The following IMMP2L variants were observed in gnomAD, a reference collection of about 807,000 sequenced individuals.
The protein encoded by IMMP2L is inner mitochondrial membrane peptidase subunit 2.
IMMP2L carries 18 observed loss-of-function variants against 19.3 expected under a neutral mutation model. The observed-to-expected ratio is 0.93, with a 90% CI of 0.64 to 1.38. The LOEUF is 1.38. IMMP2L is among the 40% of genes most tolerant of loss of function. The probability of loss-of-function intolerance (pLI) is 0.00; values close to 1 mark genes in which losing one functional copy is unlikely to be tolerated. For synonymous variants in IMMP2L, 76 were observed against 73.0 expected (o/e 1.04, Z -0.21); for missense variants, 233 against 218.2 (o/e 1.07, Z -0.43).
At chr7:111,428,054 A>G (rs1380625670) in intron 3 of IMMP2L, among the ~76,000 whole-genome samples, 1 of 151,704 alleles carries the variant, frequency 6.6e-6, no homozygotes, top group African/African-American at 2.4e-5. Flanking sequence ...GTAGCAACAC[A>G]CTCATGCTGT....
intron 3 of IMMP2L, among the ~76,000 whole-genome samples, chr7:111,282,677 A>G (rs1364375106): frequency 2.0e-5 from 3 of 152,098 alleles, no homozygotes; most frequent in Non-Finnish European, 4.4e-5. Flanking sequence ...TCAACCTCCC[A>G]GGCTCAGGCA....
intron 3 of IMMP2L, among the ~76,000 whole-genome samples, chr7:111,070,786 A>T (rs557456234): frequency 6.6e-6 from 1 of 152,340 alleles, no homozygotes; most frequent in Admixed American, 6.5e-5. Flanking sequence ...ACTTTAAAAT[A>T]CAACAAACCT....
chr7:111,209,255 C>T (rs371777490), intron 3 of IMMP2L, among the ~76,000 whole-genome samples: 53 of 151,946 alleles, frequency 3.5e-4, no homozygotes, highest in East Asian at 3.9e-4. Context: ...AAATTAGCCA[C>T]GCATGGTGGC....
intron 3 of IMMP2L, among the ~76,000 whole-genome samples, chr7:111,281,204 AAGAAAGAAAGAAAAAGAAAGAAAG>A (rs1319846679): frequency 2.2e-4 from 11 of 49,302 alleles, no homozygotes; most frequent in African/African-American, 4.4e-4. Context: ...GAAAGAAAGA[AAGAAAGAAAGAAAAAGAAAGAAAG>A]AAAGAAAGAA....
intron 5 of IMMP2L, among the ~76,000 whole-genome samples, chr7:110,744,116 C>T (rs780737814): frequency 3.8e-4 from 58 of 152,210 alleles, no homozygotes; most frequent in Non-Finnish European, 6.3e-4. Context: ...GGTGGTTTCA[C>T]CCTCACAGTG....
chr7:111,179,400 A>G (rs920022042), intron 3 of IMMP2L, among the ~76,000 whole-genome samples: 1 of 151,936 alleles, frequency 6.6e-6, no homozygotes, highest in Admixed American at 6.6e-5. Flanking sequence ...TTAGCCTATC[A>G]GCTGTTGGTA....
intron 5 of IMMP2L, among the ~76,000 whole-genome samples, chr7:110,761,198 T>C (rs1310817674): frequency 6.6e-6 from 1 of 152,144 alleles, no homozygotes; most frequent in Non-Finnish European, 1.5e-5. Context: ...GTCTGTAGAA[T>C]ATGAGCACTC....
chr7:110,802,212 T>C (rs1801300329), intron 5 of IMMP2L, among the ~76,000 whole-genome samples: 1 of 152,062 alleles, frequency 6.6e-6, no homozygotes, highest in South Asian at 2.1e-4. Flanking sequence ...GCTTACATTA[T>C]TAAAAATCCT....
chr7:110,882,998 G>A (rs991606156), intron 5 of IMMP2L, among the ~76,000 whole-genome samples: 1 of 151,990 alleles, frequency 6.6e-6, no homozygotes, highest in Non-Finnish European at 1.5e-5. Context: ...GTGTCTTGAA[G>A]GCATAAATGA....
intron 5 of IMMP2L, among the ~76,000 whole-genome samples, chr7:110,678,530 G>A (rs1173234699): frequency 6.6e-6 from 1 of 152,062 alleles, no homozygotes; most frequent in Non-Finnish European, 1.5e-5. Context: ...CCTACTAGAT[G>A]CTGGAAATAT....
chr7:111,543,286 T>G (rs1036884153), intron 1 of IMMP2L, among the ~76,000 whole-genome samples: 4 of 152,276 alleles, frequency 2.6e-5, no homozygotes, highest in African/African-American at 9.6e-5. Context: ...ATTAAAACAT[T>G]CATAACCATA....
intron 3 of IMMP2L, among the ~76,000 whole-genome samples, chr7:111,168,294 A>G (rs1275668505): frequency 6.6e-6 from 1 of 150,700 alleles, no homozygotes; most frequent in Non-Finnish European, 1.5e-5. Flanking sequence ...TTTTTTTTCT[A>G]CAGACCTGAA....
At chr7:111,313,562 C>T (rs180970897) in intron 3 of IMMP2L, among the ~76,000 whole-genome samples, 1 of 152,212 alleles carries the variant, frequency 6.6e-6, no homozygotes, top group East Asian at 1.9e-4. Flanking sequence ...ACTCAAAATG[C>T]CATTCTCAAT....
chr7:111,275,641 C>A (rs1179845335), intron 3 of IMMP2L, among the ~76,000 whole-genome samples: 1 of 152,066 alleles, frequency 6.6e-6, no homozygotes, highest in Admixed American at 6.6e-5. Context: ...TGCACTGAAT[C>A]GGTAGATTTA....
At chr7:110,837,088 C>T (rs1224997706) in intron 5 of IMMP2L, among the ~76,000 whole-genome samples, 1 of 151,810 alleles carries the variant, frequency 6.6e-6, no homozygotes. Flanking sequence ...AGTAATGGCA[C>T]AAAACTAAAA....
At chr7:110,734,747 A>C (rs117357600) in intron 5 of IMMP2L, among the ~76,000 whole-genome samples, 2 of 141,542 alleles carry the variant, frequency 1.4e-5, no homozygotes, top group Non-Finnish European at 3.2e-5. Flanking sequence ...AAACAAACAA[A>C]AAACCAGCCT....
intron 3 of IMMP2L, among the ~76,000 whole-genome samples, chr7:111,315,890 G>A (rs924831737): frequency 6.6e-6 from 1 of 152,096 alleles, no homozygotes; most frequent in Middle Eastern, 3.2e-3. Flanking sequence ...CAACAGGAAA[G>A]TACAGTTATG....
At chr7:110,828,409 T>G (rs1006464351) in intron 5 of IMMP2L, among the ~76,000 whole-genome samples, 1 of 152,134 alleles carries the variant, frequency 6.6e-6, no homozygotes, top group African/African-American at 2.4e-5. Context: ...AACAACCAAC[T>G]GTGTGATCTT....
chr7:111,495,013 T>G (rs924647616), intron 2 of IMMP2L, among the ~76,000 whole-genome samples: 1 of 152,114 alleles, frequency 6.6e-6, no homozygotes, highest in African/African-American at 2.4e-5. Flanking sequence ...GCCTTAATTG[T>G]TCTGCCTCTA....
Sources: allele counts gnomAD v4.1 joint callset (sites outside exome capture counted in the v4.1 genomes callset), GRCh38; gene constraint gnomAD v4.1.1; transcripts MANE v1.5; gene names NCBI Gene and HGNC (gene_info 2026-07-23, HGNC 2026-07-21).